Variants in NUP58 observed in about 807,000 individuals in gnomAD.
NUP58 encodes the protein nucleoporin p58/p45.
A neutral mutation model predicts 70.1 loss-of-function variants in NUP58; 17 were observed. That is an observed-to-expected ratio of 0.24 (90% confidence interval 0.17 to 0.36). The LOEUF (loss-of-function observed/expected upper bound fraction) is 0.36, where lower values mean the gene tolerates loss of function less well. NUP58 is among the 10% of genes least tolerant of loss of function. NUP58 has a pLI of 1.00. For synonymous variants in NUP58, 275 were observed against 257.6 expected (o/e 1.07, Z -0.65); for missense variants, 644 against 701.5 (o/e 0.92, Z 0.93).
chr13:25,340,196 C>T lies in NUP58; in HGVS notation c.*62C>T. On this transcript the variant is annotated 3_prime_UTR_variant, in exon 16 of 16. Transcript: ENST00000381736. ...CCGTTCATTCTATGAGTCTATTTTT[C>T]TAATGATGCAGTAATTAAATTGCAT... The T allele has an allele frequency of 7.4e-7, 1 of 1,350,434 alleles. No individual in the cohort carries two copies. Among genetic ancestry groups the T allele is most frequent in the South Asian group, 1.9e-5 (1 of 53,124 alleles). The allele number at this position is 1,350,434 out of a possible 1,614,324, so 83.7% of individuals were successfully genotyped here.
chr13:25,318,530 A>C (rs1452027114), intron 6 of NUP58, among the ~76,000 whole-genome samples: 1 of 152,218 alleles, frequency 6.6e-6, no homozygotes, highest in Non-Finnish European at 1.5e-5. Flanking sequence ...TGAGACAAAT[A>C]ATATACTTAA....
chr13:25,319,026 GATGT>G (rs1302343128), intron 6 of NUP58, among the ~76,000 whole-genome samples: 1 of 152,034 alleles, frequency 6.6e-6, no homozygotes, highest in East Asian at 1.9e-4. Flanking sequence ...TATGTGTACA[GATGT>G]CTTCATAAAA....
Position 25,332,689 on chromosome 13 carries a change from A to G in NUP58, c.1435+1131A>G, listed in dbSNP as rs867658665. 1.8e-5 allele frequency: 18 copies of G among 985,370 alleles called. 1 individual carries two copies. Among genetic ancestry groups the G allele is most frequent in the Middle Eastern group, 5.2e-4 (1 of 1,936 alleles). 61.0% of individuals were successfully genotyped at this position (985,370 alleles called of 1,614,324 possible). A position where few individuals can be genotyped will look rare whatever the true frequency, so the allele number is the denominator to read the frequency against. On this transcript the variant is annotated intron_variant, in intron 13 of 15. Coordinates refer to ENST00000381736, the MANE Select transcript of NUP58 (RefSeq NM_014089.4). ...TAAGTAAAGGGTTGATGATAGATTTATGCCAAATCCTCCATATCCCGTGGC... is the reference window on the plus strand; with the variant it reads ...TAAGTAAAGGGTTGATGATAGATTTGTGCCAAATCCTCCATATCCCGTGGC...
At chr13:25,337,358 C>T (rs1474838154) in intron 14 of NUP58, among the ~76,000 whole-genome samples, 2 of 151,996 alleles carry the variant, frequency 1.3e-5, no homozygotes, top group African/African-American at 4.8e-5. Context: ...AATTAATAGT[C>T]TTAATGTTAG....
At chr13:25,317,783 A>G (rs934884786) in intron 6 of NUP58, 6 of 152,074 alleles carry the variant, frequency 3.9e-5, no homozygotes, top group African/African-American at 1.4e-4. Flanking sequence ...CATAAATTAC[A>G]GTTGGATGAA....
At chr13:25,323,714 G>A (rs1262881487) in intron 9 of NUP58, among the ~76,000 whole-genome samples, 1 of 151,660 alleles carries the variant, frequency 6.6e-6, no homozygotes, top group African/African-American at 2.4e-5. Flanking sequence ...AGTAACTTGA[G>A]TTTAAATTAA....
At chr13:25,347,839 T>G (rs868435979) in intron 3 of NUP58, among the ~76,000 whole-genome samples, 10 of 152,222 alleles carry the variant, frequency 6.6e-5, no homozygotes, top group African/African-American at 2.4e-4. Flanking sequence ...AGAACAATAC[T>G]CTTGTTTTAG....
At chr13:25,343,177 C>T (rs1210655577), downstream of NUP58, among the ~76,000 whole-genome samples, 3 of 151,960 alleles carry the variant, frequency 2.0e-5, no homozygotes, top group East Asian at 3.9e-4. Flanking sequence ...CTCTTCCCAC[C>T]CCTTCCCCTC....
intron 5 of NUP58, among the ~76,000 whole-genome samples, chr13:25,314,289 A>G (rs891296887): frequency 2.0e-5 from 3 of 151,582 alleles, no homozygotes; most frequent in Non-Finnish European, 4.4e-5. Flanking sequence ...CTAACCAGAT[A>G]AGGAAACAAA....
intron 13 of NUP58, chr13:25,335,239 C>G (rs2031739502): frequency 1.0e-6 from 1 of 984,970 alleles, no homozygotes; most frequent in African/African-American, 1.7e-5. Flanking sequence ...TGATTATATT[C>G]TGAATATTGA....
chr13:25,321,294 T>TAAGC (rs2031175606), intron 9 of NUP58, among the ~76,000 whole-genome samples: 1 of 152,206 alleles, frequency 6.6e-6, no homozygotes, highest in South Asian at 2.1e-4. Flanking sequence ...CTAAGCAATT[T>TAAGC]ATATCTGTTA....
At chr13:25,303,885 T>C (rs2030159642) in intron 1 of NUP58, among the ~76,000 whole-genome samples, 1 of 152,224 alleles carries the variant, frequency 6.6e-6, no homozygotes, top group African/African-American at 2.4e-5. Flanking sequence ...AAATGAGTTA[T>C]TAGTAATAAG....
chr13:25,302,998 C>G (rs563562532), intron 1 of NUP58: 1 of 456,650 alleles, frequency 2.2e-6, no homozygotes, highest in East Asian at 6.9e-5. Context: ...ATGTGCAAGG[C>G]TCTGTTTTAG....
Position 25,336,798 on chromosome 13 carries a change from C to CT in NUP58, c.1436-137dup, listed in dbSNP as rs1319669034. On this transcript the variant is annotated intron_variant, in intron 13 of 15. Coordinates refer to ENST00000381736, the MANE Select transcript of NUP58 (RefSeq NM_014089.4). ...TTAGACTGGAGAGACATCCTGAAAA[C>CT]TAAGTTTTAACAAATGGAATCAGTT... 1.2e-5 allele frequency: 7 copies of CT among 577,422 alleles called. No homozygotes were observed. The Admixed American group carries it at 2.2e-4, about 18-fold the overall frequency. The allele number at this position is 577,422 out of a possible 1,614,324, so 35.8% of individuals were successfully genotyped here. A position where few individuals can be genotyped will look rare whatever the true frequency, so the allele number is the denominator to read the frequency against.
At chr13:25,307,054 G>A (rs2030400436) in intron 1 of NUP58, among the ~76,000 whole-genome samples, 1 of 152,066 alleles carries the variant, frequency 6.6e-6, no homozygotes. Context: ...TGGAAAGCTA[G>A]TGAAGATAAT....
chr13:25,321,720 C>T (rs1228287680), intron 9 of NUP58, among the ~76,000 whole-genome samples: 1 of 152,102 alleles, frequency 6.6e-6, no homozygotes, highest in African/African-American at 2.4e-5. Context: ...AGTTCGAGAC[C>T]AGTCTGACCA....
chr13:25,322,066 T>TG (rs2031209865), intron 9 of NUP58, among the ~76,000 whole-genome samples: 1 of 152,160 alleles, frequency 6.6e-6, no homozygotes, highest in Non-Finnish European at 1.5e-5. Flanking sequence ...TGACGATAGG[T>TG]GATTTATTTG....
At chr13:25,332,431 ATTTTT>A in intron 13 of NUP58, 1 of 984,210 alleles carries the variant, frequency 1.0e-6, no homozygotes, top group Non-Finnish European at 1.2e-6. Flanking sequence ...ATCGATATTG[ATTTTT>A]TTATTTTAAT....
At chr13:25,303,081 C>T (rs1391952876) in intron 1 of NUP58, 9 of 456,350 alleles carry the variant, frequency 2.0e-5, no homozygotes, top group South Asian at 1.1e-4. Flanking sequence ...GATTTTTAAC[C>T]AGCTGTCTTT....
Sources: allele counts gnomAD v4.1 joint callset (sites outside exome capture counted in the v4.1 genomes callset), GRCh38; gene constraint gnomAD v4.1.1; transcripts MANE v1.5; gene names NCBI Gene and HGNC (gene_info 2026-07-23, HGNC 2026-07-21).